NECAB1: variants seen among roughly 807,000 people sequenced by gnomAD.
NECAB1 encodes the protein N-terminal EF-hand calcium binding protein 1, also known as N-terminal EF-hand calcium-binding protein 1.
Under a neutral mutation model 57.5 loss-of-function variants are expected in NECAB1, and 29 were observed. That is an observed-to-expected ratio of 0.50 (90% CI 0.38 to 0.69). The LOEUF (loss-of-function observed/expected upper bound fraction) is 0.69, where lower values mean the gene tolerates loss of function less well. NECAB1 is among the 30% of genes least tolerant of loss of function. NECAB1 has a pLI of 0.00. For missense variants in NECAB1, 372 were observed against 413.8 expected, an observed-to-expected ratio of 0.90 and a Z score of 0.88; for synonymous variants, 142 against 147.7, an observed-to-expected ratio of 0.96 and a Z score of 0.28.
intron 2 of NECAB1, among the ~76,000 whole-genome samples, chr8:90,802,438 CTTGTTTTGTTTTTGTT>C: frequency 6.6e-6 from 1 of 152,096 alleles, no homozygotes; most frequent in Non-Finnish European, 1.5e-5. Context: ...CAAATAAAAG[CTTGTTTTGTTTTTGTT>C]TTGTTTTGTT....
At chr8:90,859,319 G>A (rs968001276) in intron 3 of NECAB1, 6 of 152,136 alleles carry the variant, frequency 3.9e-5, no homozygotes, top group African/African-American at 4.8e-5. Context: ...TCACTGTATC[G>A]AAAGCTATCC....
intron 6 of NECAB1, among the ~76,000 whole-genome samples, chr8:90,924,263 A>T (rs1351677056): frequency 6.6e-6 from 1 of 152,234 alleles, no homozygotes; most frequent in African/African-American, 2.4e-5. Flanking sequence ...GAAGATGTTT[A>T]TTCATGCAAT....
intron 3 of NECAB1, among the ~76,000 whole-genome samples, chr8:90,846,688 G>A (rs1812565131): frequency 6.6e-6 from 1 of 152,158 alleles, no homozygotes; most frequent in African/African-American, 2.4e-5. Flanking sequence ...CACAAGGCTG[G>A]GGAAGCCTCA....
intron 5 of NECAB1, among the ~76,000 whole-genome samples, chr8:90,885,693 T>A (rs1808965170): frequency 6.6e-6 from 1 of 152,182 alleles, no homozygotes; most frequent in Admixed American, 6.5e-5. Flanking sequence ...TGATTCTCGT[T>A]TAATTTTTTT....
intron 6 of NECAB1, among the ~76,000 whole-genome samples, chr8:90,919,079 T>C (rs1810044376): frequency 6.6e-6 from 1 of 152,152 alleles, no homozygotes; most frequent in Non-Finnish European, 1.5e-5. Context: ...AAATAAGTAG[T>C]CATATTGCAA....
chr8:90,829,391 T>C (rs189520532), intron 3 of NECAB1, among the ~76,000 whole-genome samples: 199 of 152,200 alleles, frequency 1.3e-3, no homozygotes, highest in African/African-American at 4.6e-3. Context: ...GAATTTAGCA[T>C]AAATCCTTGT....
At chr8:90,801,847 C>T (rs1282296597) in intron 2 of NECAB1, 132 bp downstream of exon 2, 3 of 574,456 alleles carry the variant, frequency 5.2e-6, no homozygotes, top group East Asian at 3.3e-5. Context: ...TACTAGTGAT[C>T]GTTTTAGATA....
At chr8:90,813,386 C>T (rs552380035) in intron 2 of NECAB1, among the ~76,000 whole-genome samples, 2 of 151,790 alleles carry the variant, frequency 1.3e-5, no homozygotes, top group East Asian at 3.9e-4. Context: ...GAGTCTATTA[C>T]TGAGTTAAAT....
At chr8:90,808,615 T>C (rs1811895335) in intron 2 of NECAB1, among the ~76,000 whole-genome samples, 1 of 151,816 alleles carries the variant, frequency 6.6e-6, no homozygotes, top group African/African-American at 2.4e-5. Flanking sequence ...TTTCCATTTT[T>C]TCATCCTAAT....
At chr8:90,831,615 C>T (rs981045599) in intron 3 of NECAB1, among the ~76,000 whole-genome samples, 3 of 152,054 alleles carry the variant, frequency 2.0e-5, no homozygotes, top group Admixed American at 2.0e-4. Context: ...GGGTTCTATC[C>T]CCTGACACCC....
chr8:90,898,446 A>G (rs1184935639), intron 5 of NECAB1, among the ~76,000 whole-genome samples: 1 of 152,230 alleles, frequency 6.6e-6, no homozygotes, highest in African/African-American at 2.4e-5. Flanking sequence ...ACAGGACCCT[A>G]AAAAATTAAC....
At chr8:90,838,774 A>G (rs968096931) in intron 3 of NECAB1, among the ~76,000 whole-genome samples, 3 of 152,206 alleles carry the variant, frequency 2.0e-5, no homozygotes, top group Non-Finnish European at 4.4e-5. Context: ...CTCTATTCAA[A>G]TACCTGCTAT....
intron 4 of NECAB1, among the ~76,000 whole-genome samples, chr8:90,875,844 C>CAAAAAAAAAAA (rs5893141): frequency 1.4e-4 from 12 of 88,436 alleles, no homozygotes; most frequent in African/African-American, 5.5e-4. Flanking sequence ...ACTAAAAATA[C>CAAAAAAAAAAA]AAAAAAAAAA....
At chr8:90,863,607 G>A (rs184395346) in intron 3 of NECAB1, among the ~76,000 whole-genome samples, 7 of 152,164 alleles carry the variant, frequency 4.6e-5, no homozygotes, top group Non-Finnish European at 8.8e-5. Flanking sequence ...ATTTATATAT[G>A]CCAAAACAAG....
At position 90,826,075 on chromosome 8, in the gene NECAB1, T is replaced by C. The variant is rs560532896; in HGVS notation, c.233+1250T>C. 2.7e-3 allele frequency among the ~76,000 whole-genome samples: 413 copies of C among 151,956 alleles called. 3 individuals carry two copies. Among genetic ancestry groups the C allele is most frequent in the Non-Finnish European group, 4.9e-3 (333 of 67,862 alleles). On this transcript the variant is annotated intron_variant, in intron 3 of 12. Coordinates refer to ENST00000417640, the MANE Select transcript of NECAB1 (RefSeq NM_022351.5). ...AGGCTCGGGGAATATTTACAGGATCTGAGTCATTATGAGAGATTACAAATT... is the reference window on the plus strand; with the variant it reads ...AGGCTCGGGGAATATTTACAGGATCCGAGTCATTATGAGAGATTACAAATT...
intron 5 of NECAB1, among the ~76,000 whole-genome samples, chr8:90,906,151 A>G (rs954429069): frequency 6.6e-6 from 1 of 151,948 alleles, no homozygotes; most frequent in African/African-American, 2.4e-5. Context: ...CTTTACGGAG[A>G]ATATGTTTTT....
At chr8:90,934,493 G>A in intron 9 of NECAB1, 136 bp downstream of exon 9, 1 of 624,132 alleles carries the variant, frequency 1.6e-6, no homozygotes, top group Admixed American at 3.9e-5. Context: ...ATTCAGTAGT[G>A]TTGTTTCTAC....
At chr8:90,943,656 CATG>C (rs1372927412) in intron 10 of NECAB1, among the ~76,000 whole-genome samples, 1 of 152,180 alleles carries the variant, frequency 6.6e-6, no homozygotes, top group Non-Finnish European at 1.5e-5. Context: ...TCTGTTCTCC[CATG>C]ATGTTTAGCT....
At chr8:90,864,934 A>G (rs1187086171) in intron 3 of NECAB1, among the ~76,000 whole-genome samples, 1 of 151,912 alleles carries the variant, frequency 6.6e-6, no homozygotes, top group Non-Finnish European at 1.5e-5. Flanking sequence ...AGCCAAGGAG[A>G]GAGGAGAATA....
Sources: allele counts gnomAD v4.1 joint callset (sites outside exome capture counted in the v4.1 genomes callset), GRCh38; gene constraint gnomAD v4.1.1; transcripts MANE v1.5; gene names NCBI Gene and HGNC (gene_info 2026-07-23, HGNC 2026-07-21).